GNA14: variants seen among roughly 807,000 people sequenced by gnomAD.
GNA14 encodes guanine nucleotide-binding protein subunit alpha-14.
Under a neutral mutation model 42.0 loss-of-function variants are expected in GNA14, and 50 were observed. The observed-to-expected ratio is 1.19, with a 90% CI of 0.95 to 1.51. GNA14 has a LOEUF of 1.51. Ranked by LOEUF, GNA14 falls within the 40% of genes most tolerant of loss-of-function variation. The pLI is 0.00. For missense variants in GNA14, 473 were observed against 446.2 expected, an observed-to-expected ratio of 1.06 and a Z score of -0.54; for synonymous variants, 173 against 163.1, an observed-to-expected ratio of 1.06 and a Z score of -0.46.
At chr9:77,592,242 C>A (rs1197426655) in intron 1 of GNA14, among the ~76,000 whole-genome samples, 1 of 152,112 alleles carries the variant, frequency 6.6e-6, no homozygotes, top group Non-Finnish European at 1.5e-5. Flanking sequence ...GTGCTTGAAT[C>A]CATTCCTAAC....
Position 77,465,513 on chromosome 9 carries a change from CTAGGAG to C in GNA14, c.310-30997_310-30992del, listed in dbSNP as rs550560685. ...GTTTTCATTTCTTTTGGGTATACGC[CTAGGAG>C]TAGAATTGCTGCGTAATTCTATGTT... On this transcript the variant is annotated intron_variant, in intron 2 of 6. Coordinates refer to ENST00000341700, the MANE Select transcript of GNA14 (RefSeq NM_004297.4). 7.5e-3 allele frequency among the ~76,000 whole-genome samples: 1,135 copies of C among 152,228 alleles called. 11 individuals are homozygous for C. The highest frequency in any genetic ancestry group is 0.013 in the Non-Finnish European group (878 of 68,012).
At chr9:77,452,662 C>G (rs376061044) in intron 2 of GNA14, among the ~76,000 whole-genome samples, 2 of 448 alleles carry the variant, frequency 4.5e-3, no homozygotes, top group Non-Finnish European at 7.5e-3. Flanking sequence ...GTGTGTGTGT[C>G]TGTGTGGTAC....
chr9:77,626,382 C>T (rs889799666), intron 1 of GNA14, among the ~76,000 whole-genome samples: 5 of 152,088 alleles, frequency 3.3e-5, no homozygotes, highest in East Asian at 1.9e-4. Flanking sequence ...CTGGACAAAG[C>T]GGACCTAATA....
intron 1 of GNA14, among the ~76,000 whole-genome samples, chr9:77,644,437 C>CCAAAAAAAAA (rs778013639): frequency 4.1e-4 from 14 of 34,018 alleles, no homozygotes; most frequent in African/African-American, 9.3e-4. Flanking sequence ...TAAAGAGTGT[C>CCAAAAAAAAA]AAAAAAAAAA....
At chr9:77,478,190 A>G (rs537756178) in intron 2 of GNA14, among the ~76,000 whole-genome samples, 79 of 71,832 alleles carry the variant, frequency 1.1e-3, no homozygotes, top group African/African-American at 3.6e-3. Context: ...CCCCCACCCC[A>G]CAACAGTCCC....
At chr9:77,527,039 G>A (rs997146368) in intron 2 of GNA14, among the ~76,000 whole-genome samples, 4 of 152,174 alleles carry the variant, frequency 2.6e-5, no homozygotes, top group African/African-American at 4.8e-5. Context: ...GCTTACACAG[G>A]AGCCTTTTCT....
rs1006333376 is a variant in GNA14 at position 77,520,383 on chromosome 9, C to T, written c.309+8686G>A. 3.9e-5 allele frequency among the ~76,000 whole-genome samples: 6 copies of T among 152,158 alleles called. No individual in the cohort carries two copies. The South Asian group carries it at 8.3e-4, about 21-fold the overall frequency. The stretch of plus-strand genomic sequence containing the variant: ...AGACACACCTCTGTCGCCTTTTTAT[C>T]GCCAGAGAACTGGGGCACAGCTCTG... On this transcript the variant is annotated intron_variant, in intron 2 of 6. Transcript: ENST00000341700.
intron 1 of GNA14, among the ~76,000 whole-genome samples, chr9:77,641,160 GGAA>G: frequency 7.7e-6 from 1 of 130,158 alleles, no homozygotes; most frequent in Non-Finnish European, 1.6e-5. Context: ...AAGGAAGGAA[GGAA>G]GGAAGGAAGG....
intron 1 of GNA14, among the ~76,000 whole-genome samples, chr9:77,613,615 A>G (rs1479826385): frequency 3.3e-5 from 5 of 152,170 alleles, no homozygotes; most frequent in Non-Finnish European, 7.4e-5. Context: ...GATGGTGATA[A>G]TGGTTACACA....
At chr9:77,486,421 A>T (rs1242049730) in intron 2 of GNA14, among the ~76,000 whole-genome samples, 1 of 152,218 alleles carries the variant, frequency 6.6e-6, no homozygotes, top group Non-Finnish European at 1.5e-5. Flanking sequence ...CTTTCTCCAT[A>T]TCAGCAATAA....
intron 4 of GNA14, among the ~76,000 whole-genome samples, chr9:77,429,647 G>A (rs12348357): frequency 0.26 from 40,235 of 152,040 alleles, 5,951 homozygotes; most frequent in Middle Eastern, 0.39. Context: ...GAATCAGGCA[G>A]TTTATGGGAA....
At chr9:77,481,628 T>A (rs1417148369) in intron 2 of GNA14, among the ~76,000 whole-genome samples, 1 of 150,652 alleles carries the variant, frequency 6.6e-6, no homozygotes, top group African/African-American at 2.4e-5. Flanking sequence ...CTCATTGATC[T>A]GTCTAATGTT....
At chr9:77,512,710 CT>C (rs1490898194) in intron 2 of GNA14, among the ~76,000 whole-genome samples, 1 of 152,098 alleles carries the variant, frequency 6.6e-6, no homozygotes, top group Non-Finnish European at 1.5e-5. Context: ...GATTGATAAT[CT>C]TTTTATATCA....
chr9:77,424,023 CTT>C lies in GNA14; in HGVS notation c.1022_1023del (p.Lys341ArgfsTer56), dbSNP rs1835414227. 3 of 1,609,984 alleles carry C rather than the reference CTT, an allele frequency of 1.9e-6. No homozygotes were observed. ...DNIRFVFAAV[K>X]DTILQLNLRE... ...CTTAGGTTTAGCTGTAGAATTGTGT[CTT>C]TGACAGCAGCAAACACAAAGCGAAT... On this transcript the variant is annotated frameshift_variant, in exon 7 of 7. Transcript: ENST00000341700. LOFTEE classifies it high-confidence loss of function.
chr9:77,492,634 G>A (rs1042271668), intron 2 of GNA14, among the ~76,000 whole-genome samples: 1 of 151,918 alleles, frequency 6.6e-6, no homozygotes. Flanking sequence ...AAACCCTAAC[G>A]CAATGTATAG....
At chr9:77,589,643 G>A (rs1340688231) in intron 1 of GNA14, among the ~76,000 whole-genome samples, 1 of 152,072 alleles carries the variant, frequency 6.6e-6, no homozygotes, top group African/African-American at 2.4e-5. Context: ...CTCCACCCTC[G>A]GGCTATGGCC....
At chr9:77,446,450 C>T (rs1447206689) in intron 2 of GNA14, among the ~76,000 whole-genome samples, 5 of 152,320 alleles carry the variant, frequency 3.3e-5, no homozygotes, top group Non-Finnish European at 7.3e-5. Context: ...CCTGGGCTCG[C>T]GAGTCATGCT....
intron 1 of GNA14, among the ~76,000 whole-genome samples, chr9:77,569,011 C>T (rs1384734792): frequency 6.6e-6 from 1 of 152,126 alleles, no homozygotes. Flanking sequence ...TTTTTCAATG[C>T]CCAGGCAGAA....
At chr9:77,472,788 A>ATCTCTCTCTCTCTCTCTCTC (rs34429720) in intron 2 of GNA14, among the ~76,000 whole-genome samples, 7 of 142,102 alleles carry the variant, frequency 4.9e-5, no homozygotes, top group South Asian at 2.4e-4. Context: ...ACATGACATG[A>ATCTCTCTCTCTCTCTCTCTC]TCTCTCTCTC....
Sources: allele counts gnomAD v4.1 joint callset (sites outside exome capture counted in the v4.1 genomes callset), GRCh38; gene constraint gnomAD v4.1.1; transcripts MANE v1.5; gene names NCBI Gene and HGNC (gene_info 2026-07-23, HGNC 2026-07-21).